Variants in GLG1 observed in about 807,000 individuals in gnomAD.
The protein encoded by GLG1 is Golgi apparatus protein 1.
A neutral mutation model predicts 160.5 loss-of-function variants in GLG1; 38 were observed. That is an observed-to-expected ratio of 0.24 (90% CI 0.18 to 0.31). The LOEUF is 0.31. Ranked by LOEUF, GLG1 falls within the 10% of genes least tolerant of loss-of-function variation. The pLI is 1.00. For synonymous variants in GLG1, 644 were observed against 543.4 expected, an observed-to-expected ratio of 1.19 and a Z score of -2.57; for missense variants, 1,373 against 1,505.2, an observed-to-expected ratio of 0.91 and a Z score of 1.45.
intron 1 of GLG1, among the ~76,000 whole-genome samples, chr16:74,555,681 C>G (rs991096250): frequency 6.6e-6 from 1 of 151,752 alleles, no homozygotes; most frequent in African/African-American, 2.4e-5. Context: ...AGAGAGAGAT[C>G]CCTGTCTCTA....
In GLG1 at chr16:74,451,956, G is replaced by A. The variant is rs538586909; in HGVS notation, c.*1211C>T. 2.2e-6 allele frequency: 2 copies of A among 891,802 alleles called. No individual in the cohort carries two copies. The highest frequency in any genetic ancestry group is 3.8e-5 in the Admixed American group (2 of 52,862). 55.2% of individuals were successfully genotyped at this position (891,802 alleles called of 1,614,324 possible). On this transcript the variant is annotated 3_prime_UTR_variant, in exon 26 of 26. Transcript: ENST00000422840. ...AATGGACAGAAAGAAAAAAAACAGA[G>A]CAAATCCTCCATCTTTTAATGTGAT...
intron 20 of GLG1, 141 bp downstream of exon 20, chr16:74,463,215 G>A (rs971168798): frequency 4.0e-6 from 3 of 751,678 alleles, no homozygotes; most frequent in East Asian, 2.6e-5. Flanking sequence ...CCTCAAAGGA[G>A]GAAGGCCCTG....
chr16:74,606,316 C>T (rs1240157638), intron 1 of GLG1, among the ~76,000 whole-genome samples: 2 of 152,168 alleles, frequency 1.3e-5, no homozygotes, highest in African/African-American at 2.4e-5. Flanking sequence ...ATGGCAAAAT[C>T]CTAAACTGAT....
intron 1 of GLG1, among the ~76,000 whole-genome samples, chr16:74,538,021 G>A (rs976674730): frequency 6.6e-6 from 1 of 151,866 alleles, no homozygotes; most frequent in Admixed American, 6.6e-5. Flanking sequence ...TTCTGAAACA[G>A]AAATGCTTGG....
intron 1 of GLG1, among the ~76,000 whole-genome samples, chr16:74,533,988 A>C (rs1366761301): frequency 6.6e-6 from 1 of 152,152 alleles, no homozygotes; most frequent in Non-Finnish European, 1.5e-5. Flanking sequence ...GCATTATTTC[A>C]AGAAGAAAAA....
chr16:74,599,217 T>G (rs4561492), intron 1 of GLG1, among the ~76,000 whole-genome samples: 2 of 122,326 alleles, frequency 1.6e-5, no homozygotes, highest in African/African-American at 5.9e-5. Flanking sequence ...TTCTGGACTT[T>G]ACTTGGAGAA....
chr16:74,496,802 A>C (rs879651613), intron 4 of GLG1, among the ~76,000 whole-genome samples, 158 bp from the exon 5 acceptor site: 3 of 152,020 alleles, frequency 2.0e-5, no homozygotes, highest in Non-Finnish European at 4.4e-5. Context: ...CCAAGAAATC[A>C]AGTAAGAACC....
At chr16:74,479,360 C>T (rs910003559) in intron 11 of GLG1, among the ~76,000 whole-genome samples, 1 of 151,222 alleles carries the variant, frequency 6.6e-6, no homozygotes, top group African/African-American at 2.4e-5. Flanking sequence ...GAGAATAAAC[C>T]TCCTACCCCC....
chr16:74,506,474 T>C (rs1488103673), intron 3 of GLG1, among the ~76,000 whole-genome samples: 1 of 148,800 alleles, frequency 6.7e-6, no homozygotes, highest in Non-Finnish European at 1.5e-5. Context: ...CCCAGCTACT[T>C]GGGAGGCTGA....
At chr16:74,542,106 G>C (rs1254593390) in intron 1 of GLG1, among the ~76,000 whole-genome samples, 1 of 148,972 alleles carries the variant, frequency 6.7e-6, no homozygotes, top group East Asian at 1.9e-4. Flanking sequence ...CCCTCTTAGA[G>C]TCCTAGACTG....
intron 1 of GLG1, among the ~76,000 whole-genome samples, chr16:74,538,401 T>C (rs1380467831): frequency 1.3e-5 from 2 of 152,176 alleles, no homozygotes; most frequent in African/African-American, 4.8e-5. Flanking sequence ...GAAGATAATG[T>C]AGCTGGTCTC....
intron 5 of GLG1, among the ~76,000 whole-genome samples, chr16:74,495,690 G>A (rs1047981922): frequency 6.6e-6 from 1 of 152,102 alleles, no homozygotes. Flanking sequence ...TATATAATGC[G>A]TCAAAGTTTT....
At chr16:74,525,878 A>T (rs1432823393) in intron 2 of GLG1, among the ~76,000 whole-genome samples, 1 of 152,030 alleles carries the variant, frequency 6.6e-6, no homozygotes, top group Non-Finnish European at 1.5e-5. Context: ...TTATCTGGTC[A>T]GGCGCAGTGG....
chr16:74,553,551 C>T (rs1488861366), intron 1 of GLG1, among the ~76,000 whole-genome samples: 1 of 148,806 alleles, frequency 6.7e-6, no homozygotes, highest in Non-Finnish European at 1.5e-5. Flanking sequence ...CGGCTCACTG[C>T]CAGCTCCGCT....
At chr16:74,557,160 A>C (rs1043417909) in intron 1 of GLG1, among the ~76,000 whole-genome samples, 1 of 152,248 alleles carries the variant, frequency 6.6e-6, no homozygotes, top group Admixed American at 6.5e-5. Context: ...AGAGCTAAGT[A>C]AACTAGAAGA....
At chr16:74,465,380 T>A (rs920292367) in intron 19 of GLG1, among the ~76,000 whole-genome samples, 1 of 152,346 alleles carries the variant, frequency 6.6e-6, no homozygotes. Flanking sequence ...CATTTACTTG[T>A]GCCTCAGGTC....
chr16:74,590,650 C>T (rs1263541046), intron 1 of GLG1, among the ~76,000 whole-genome samples: 2 of 146,566 alleles, frequency 1.4e-5, no homozygotes, highest in Admixed American at 6.9e-5. Context: ...AGAAATTAGC[C>T]GGGCGTGGTG....
chr16:74,452,087 C>A lies in GLG1; in HGVS notation c.*1080G>T. 5.6e-6 allele frequency: 9 copies of A among 1,614,022 alleles called. No homozygotes were observed. Among genetic ancestry groups the A allele is most frequent in the South Asian group, 1.1e-5 (1 of 91,082 alleles). On this transcript the variant is annotated 3_prime_UTR_variant, in exon 26 of 26. Coordinates refer to ENST00000422840, the MANE Select transcript of GLG1 (RefSeq NM_001145667.2). Reference sequence around the variant, plus strand: ...TGGACTGCCTGTCACATCCTGAGACCACACTAAACCTTTATAAGCCATTGT... The same window carrying A: ...TGGACTGCCTGTCACATCCTGAGACAACACTAAACCTTTATAAGCCATTGT...
intron 25 of GLG1, among the ~76,000 whole-genome samples, chr16:74,455,691 G>A (rs537215815): frequency 9.9e-5 from 15 of 152,176 alleles, no homozygotes; most frequent in South Asian, 6.2e-4. Context: ...GGTGGTCCTG[G>A]GATTACTCTC....
Sources: gnomAD v4.1 joint callset for allele counts (sites outside exome capture counted in the v4.1 genomes callset) on GRCh38, gnomAD v4.1.1 for gene constraint, MANE v1.5 for transcripts, NCBI Gene and HGNC (gene_info 2026-07-23, HGNC 2026-07-21) for gene names.